The following DIO2 variants were observed in gnomAD, a reference collection of about 807,000 sequenced individuals.
DIO2 encodes type II iodothyronine deiodinase.
Under a neutral mutation model 21.4 loss-of-function variants are expected in DIO2, and 19 were observed. The ratio of observed to expected loss-of-function variants is 0.89; its 90% CI spans 0.62 to 1.30. The LOEUF (loss-of-function observed/expected upper bound fraction) is 1.30, where lower values mean the gene tolerates loss of function less well. Ranked by LOEUF, DIO2 falls within the 50% of genes most tolerant of loss-of-function variation. The pLI, the probability that DIO2 is intolerant of heterozygous loss-of-function variation, is 0.00. For synonymous variants in DIO2, 122 were observed against 132.9 expected, an observed-to-expected ratio of 0.92 and a Z score of 0.57; for missense variants, 302 against 338.1, an observed-to-expected ratio of 0.89 and a Z score of 0.84.
chr14:80,203,342 T>C, intron 1 of DIO2, 54 bp from the exon 2 acceptor site: 1 of 1,466,260 alleles, frequency 6.8e-7, no homozygotes, highest in Non-Finnish European at 9.0e-7. Flanking sequence ...GAATATCACA[T>C]TAAACACATT....
chr14:80,205,768 T>C, intron 1 of DIO2: 1 of 1,243,726 alleles, frequency 8.0e-7, no homozygotes, highest in Non-Finnish European at 1.0e-6. Flanking sequence ...GTTACCAAAT[T>C]CGTAATGCTC....
rs568496239 is a variant in DIO2 at position 80,209,043 on chromosome 14, C to T, written c.222+2208G>A. Among the ~76,000 whole-genome samples the T allele has an allele frequency of 3.9e-5, 6 of 151,902 alleles. No homozygotes were observed. In the East Asian group the frequency reaches 1.2e-3, roughly 29 times the overall value. ...AGAATAGGAATATACAAACCATATG[C>T]AAAAAGAAAAAACAAATCACTCATC... On this transcript the variant is annotated intron_variant, in intron 1 of 1. Transcript: ENST00000438257.
chr14:80,220,438 T>C (rs938813865), intron 2 of DIO2, among the ~76,000 whole-genome samples: 8 of 152,204 alleles, frequency 5.3e-5, no homozygotes, highest in Non-Finnish European at 1.0e-4. Context: ...GTGGTGAAGA[T>C]AGCAACAACC....
At chr14:80,224,156 A>G (rs950980592) in intron 2 of DIO2, among the ~76,000 whole-genome samples, 1 of 152,214 alleles carries the variant, frequency 6.6e-6, no homozygotes, top group Non-Finnish European at 1.5e-5. Flanking sequence ...CCACTATTAG[A>G]TTCATTTTGT....
Position 80,202,868 on chromosome 14 carries a change from T to C in DIO2, c.643A>G (p.Met215Val). 1 of 1,613,954 alleles carries C rather than the reference T, an allele frequency of 6.2e-7. No homozygotes were observed. Among genetic ancestry groups the C allele is most frequent in the Non-Finnish European group, 8.5e-7 (1 of 1,179,888 alleles). The change falls in exon 2 of 2, where the codon ATG becomes GTG. Residue 215 changes from methionine (M) to valine (V), a missense_variant. Coordinates refer to ENST00000438257, the MANE Select transcript of DIO2 (RefSeq NM_013989.5). ...PPQCRVVADRMDNNANIAYGV... is the reference protein window; with the variant it reads ...PPQCRVVADRVDNNANIAYGV... The stretch of plus-strand genomic sequence containing the variant: ...TAAGCTATGTTGGCGTTATTGTCCA[T>C]GCGGTCAGCCACAACTCGGCACTGG...
At chr14:80,215,916 T>G (rs1239863270), upstream of DIO2, 2 of 152,236 alleles carry the variant, frequency 1.3e-5, no homozygotes, top group African/African-American at 4.8e-5. Context: ...TGCCTTGTGA[T>G]GAAAGGAGAA....
intron 2 of DIO2, among the ~76,000 whole-genome samples, chr14:80,217,216 GATTGT>G (rs1888379201): frequency 6.6e-6 from 1 of 152,258 alleles, no homozygotes; most frequent in Admixed American, 6.5e-5. Context: ...CAATGAGGAT[GATTGT>G]ATAATGAGTG....
At chr14:80,221,253 G>A (rs1201901870) in intron 2 of DIO2, among the ~76,000 whole-genome samples, 2 of 151,960 alleles carry the variant, frequency 1.3e-5, no homozygotes, top group East Asian at 3.9e-4. Flanking sequence ...CTAGCTAATT[G>A]ATTTTTTTCT....
chr14:80,225,462 AG>A (rs1295774004), intron 2 of DIO2, among the ~76,000 whole-genome samples: 6 of 152,256 alleles, frequency 3.9e-5, no homozygotes, highest in Non-Finnish European at 5.9e-5. Flanking sequence ...TCCATGATAA[AG>A]GAAAAGGAAA....
intron 2 of DIO2, among the ~76,000 whole-genome samples, chr14:80,226,842 T>C (rs373939390): frequency 5.6e-4 from 85 of 152,344 alleles, no homozygotes; most frequent in African/African-American, 1.9e-3. Flanking sequence ...AGGTCACCCA[T>C]TGGTCAGCAC....
chr14:80,206,345 TA>T (rs773223512), intron 1 of DIO2: 28 of 1,497,302 alleles, frequency 1.9e-5, no homozygotes, highest in Non-Finnish European at 2.4e-5. Flanking sequence ...TTAGCTAAAA[TA>T]AAGAAAAAAA....
intron 1 of DIO2, among the ~76,000 whole-genome samples, chr14:80,204,298 T>C (rs1887865864): frequency 6.6e-6 from 1 of 152,216 alleles, no homozygotes. Flanking sequence ...GCTTGTTTCC[T>C]TCTTTTTATC....
Position 80,203,190 on chromosome 14 carries a change from A to G in DIO2, c.321T>C (p.Ala107=). 1 of 1,610,348 alleles carries G rather than the reference A, an allele frequency of 6.2e-7. No individual in the cohort carries two copies. Among genetic ancestry groups the G allele is most frequent in the Non-Finnish European group, 8.5e-7 (1 of 1,178,274 alleles). Reference sequence around the variant, plus strand: ...CAAGAAGGTGGCATGTGGCTCCCTCAGCTATCTTCTCCTGGGTACCATTGC... The same window carrying G: ...CAAGAAGGTGGCATGTGGCTCCCTCGGCTATCTTCTCCTGGGTACCATTGC... ...NSGNGTQEKI[A]EGATCHLLDF... The change falls in exon 2 of 2, where the codon GCT becomes GCC. Residue 107 remains alanine, a synonymous_variant. Coordinates refer to ENST00000438257, the MANE Select transcript of DIO2 (RefSeq NM_013989.5).
At position 80,219,610 on chromosome 14, in the gene DIO2, G is replaced by A. The variant is rs1378332889; in HGVS notation, c.-277-2873C>T. 4 of 151,114 alleles carry A rather than the reference G, an allele frequency of 2.6e-5. No homozygotes were observed. In the East Asian group the frequency reaches 7.8e-4, roughly 30 times the overall value. The allele number at this position is 151,114 out of a possible 1,614,324, so 9.4% of individuals were successfully genotyped here. On this transcript the variant is annotated intron_variant, in intron 2 of 4. Transcript: ENST00000553594. ...CGCTGGGCATTGAAAATGATCCTGA[G>A]TCTCAAAAATGTTTAGAGACCAGTA...
chr14:80,225,395 C>T (rs1295402900), intron 2 of DIO2, among the ~76,000 whole-genome samples: 2 of 152,196 alleles, frequency 1.3e-5, no homozygotes, highest in East Asian at 1.9e-4. Flanking sequence ...AAACCAAATA[C>T]TATTACATGA....
chr14:80,228,187 C>A (rs1888613582), intron 2 of DIO2, among the ~76,000 whole-genome samples: 1 of 152,142 alleles, frequency 6.6e-6, no homozygotes, highest in South Asian at 2.1e-4. Flanking sequence ...TGACACAAAG[C>A]CAGAGAGTTG....
chr14:80,213,331 T>C (rs1252557617), upstream of DIO2, among the ~76,000 whole-genome samples: 1 of 152,212 alleles, frequency 6.6e-6, no homozygotes, highest in Non-Finnish European at 1.5e-5. Flanking sequence ...GTTTTCTATG[T>C]AGCCAGAGCT....
upstream of DIO2, chr14:80,211,911 A>C (rs2140010504): frequency 6.7e-6 from 1 of 150,360 alleles, no homozygotes; most frequent in South Asian, 2.1e-4. Context: ...GAGATTTTAA[A>C]ATTTTCTTTA....
chr14:80,211,346 G>T lies in DIO2; in HGVS notation c.127C>A (p.Arg43Ser). The change falls in exon 1 of 2, where the codon CGC becomes AGC. Residue 43 changes from arginine (R) to serine (S), a missense_variant. Physicochemically the swap from Arg to Ser is moderately radical, Grantham distance 110. Coordinates refer to ENST00000438257, the MANE Select transcript of DIO2 (RefSeq NM_013989.5). Reference sequence around the variant, plus strand: ...CACTCTCCGCGAGTGGACTTGGAGCGGCTCAACAGCAGCACCACGTGCTTG... The same window carrying T: ...CACTCTCCGCGAGTGGACTTGGAGCTGCTCAACAGCAGCACCACGTGCTTG... ...LLKHVVLLLSRSKSTRGEWRR... is the reference protein window; with the variant it reads ...LLKHVVLLLSSSKSTRGEWRR... 1 of 1,613,778 alleles carries T rather than the reference G, an allele frequency of 6.2e-7. No homozygotes were observed. Among genetic ancestry groups the T allele is most frequent in the Middle Eastern group, 1.6e-4 (1 of 6,062 alleles).
Sources: allele counts gnomAD v4.1 joint callset (sites outside exome capture counted in the v4.1 genomes callset), GRCh38; gene constraint gnomAD v4.1.1; transcripts MANE v1.5; gene names NCBI Gene and HGNC (gene_info 2026-07-23, HGNC 2026-07-21).